The following OLFM3 variants were observed in gnomAD, a reference collection of about 807,000 sequenced individuals.
OLFM3 encodes the protein noelin-3.
OLFM3 carries 20 observed loss-of-function variants against 48.6 expected under a neutral mutation model. The observed-to-expected ratio is 0.41, with a 90% CI of 0.29 to 0.60. The LOEUF is 0.60. OLFM3 is among the 20% of genes least tolerant of loss of function. OLFM3 has a pLI of 0.28. For synonymous variants in OLFM3, 222 were observed against 198.1 expected (o/e 1.12, Z -1.01); for missense variants, 437 against 544.3 (o/e 0.80, Z 1.96).
intron 1 of OLFM3, among the ~76,000 whole-genome samples, chr1:101,900,578 T>A (rs962729496): frequency 6.6e-6 from 1 of 152,018 alleles, no homozygotes; most frequent in Non-Finnish European, 1.5e-5. Flanking sequence ...CAAGAAAGTG[T>A]TTGGCCTGGA....
At position 101,806,609 on chromosome 1, in the gene OLFM3, C is replaced by A. The variant is rs115876571; in HGVS notation, c.593-427G>T. ...TGTGACTATGGATAACTTATACCAG[C>A]CAGAAAAACACTACCAATTGATTTT... On this transcript the variant is annotated intron_variant, in intron 4 of 5. Transcript: ENST00000370103. Among the ~76,000 whole-genome samples the A allele has an allele frequency of 4.1e-3, 625 of 151,690 alleles. 6 individuals are homozygous for A. The highest frequency in any genetic ancestry group is 0.014 in the African/African-American group (596 of 41,410).
Position 101,940,700 on chromosome 1 carries a change from T to TTATA in OLFM3, c.69+56044_69+56047dup, listed in dbSNP as rs751459235. 7.3e-4 allele frequency among the ~76,000 whole-genome samples: 109 copies of TTATA among 148,902 alleles called. 1 individual carries two copies. The highest frequency in any genetic ancestry group is 2.5e-3 in the African/African-American group (100 of 40,692). On this transcript the variant is annotated intron_variant, in intron 1 of 5. Coordinates refer to ENST00000370103, the MANE Select transcript of OLFM3 (RefSeq NM_058170.4). ...CCCAGCTATATATATATATCCAGTT[T>TTATA]TATATATATATATATCTTTGTATAT...
At chr1:101,907,432 C>T (rs1476979781) in intron 1 of OLFM3, among the ~76,000 whole-genome samples, 1 of 152,186 alleles carries the variant, frequency 6.6e-6, no homozygotes, top group African/African-American at 2.4e-5. Flanking sequence ...CTGCTGACAG[C>T]TTGACCTTAC....
chr1:101,865,997 T>C (rs74721763), intron 1 of OLFM3, among the ~76,000 whole-genome samples: 1 of 152,318 alleles, frequency 6.6e-6, no homozygotes, highest in African/African-American at 2.4e-5. Context: ...GCTGTTTGCC[T>C]TTCCAAATGC....
chr1:101,837,593 C>A (rs1332342387), intron 1 of OLFM3: 1 of 151,592 alleles, frequency 6.6e-6, no homozygotes, highest in Non-Finnish European at 1.5e-5. Flanking sequence ...TCTTAGAGGA[C>A]TTAGAGTTTT....
chr1:101,824,951 A>G (rs1331275583), intron 4 of OLFM3, 75 bp downstream of exon 4: 14 of 1,290,452 alleles, frequency 1.1e-5, no homozygotes, highest in Admixed American at 1.9e-5. Flanking sequence ...ATGACTCTTT[A>G]TAAAACGTAA....
intron 1 of OLFM3, among the ~76,000 whole-genome samples, chr1:101,958,891 A>G (rs1282288064): frequency 1.3e-5 from 2 of 151,048 alleles, no homozygotes; most frequent in African/African-American, 2.4e-5. Flanking sequence ...GTTACCTCAC[A>G]TACTTATATT....
intron 1 of OLFM3, among the ~76,000 whole-genome samples, chr1:101,852,673 C>T (rs539477428): frequency 9.1e-4 from 138 of 152,158 alleles, no homozygotes; most frequent in African/African-American, 3.2e-3. Flanking sequence ...CCTGTTATGG[C>T]TCCCCAACCC....
intron 1 of OLFM3, among the ~76,000 whole-genome samples, chr1:101,853,781 T>C (rs1291967801): frequency 6.6e-6 from 1 of 152,102 alleles, no homozygotes; most frequent in Non-Finnish European, 1.5e-5. Context: ...TATGTGTGCA[T>C]GATGGACCTA....
intron 1 of OLFM3, among the ~76,000 whole-genome samples, chr1:101,959,212 C>A (rs1445245444): frequency 6.6e-6 from 1 of 151,974 alleles, no homozygotes; most frequent in Non-Finnish European, 1.5e-5. Context: ...TTCAATATTA[C>A]AGAATAATGT....
chr1:101,990,307 A>T (rs918967967), intron 1 of OLFM3, among the ~76,000 whole-genome samples: 5 of 152,178 alleles, frequency 3.3e-5, no homozygotes, highest in African/African-American at 1.2e-4. Context: ...CAAAGCTGAG[A>T]AGAGGAAACA....
intron 1 of OLFM3, among the ~76,000 whole-genome samples, chr1:101,959,758 A>G (rs12043200): frequency 0.25 from 37,797 of 152,110 alleles, 4,980 homozygotes; most frequent in Middle Eastern, 0.33. Context: ...AGTTCCTTCA[A>G]GTTCAGAATC....
At chr1:101,954,140 T>C (rs77653555) in intron 1 of OLFM3, among the ~76,000 whole-genome samples, 10,977 of 152,190 alleles carry the variant, frequency 0.072, 470 homozygotes, top group South Asian at 0.16. Flanking sequence ...CTTTGTATTA[T>C]CCATTTAAAA....
chr1:101,926,095 C>T (rs1303221776), intron 1 of OLFM3, among the ~76,000 whole-genome samples: 3 of 152,060 alleles, frequency 2.0e-5, no homozygotes, highest in East Asian at 1.9e-4. Flanking sequence ...AATGAATATG[C>T]TATGCTTTGT....
At chr1:101,856,863 G>A (rs1656444226) in intron 1 of OLFM3, among the ~76,000 whole-genome samples, 2 of 152,096 alleles carry the variant, frequency 1.3e-5, no homozygotes, top group East Asian at 1.9e-4. Flanking sequence ...GATTCAAATA[G>A]TTCCACACTT....
chr1:101,829,093 T>C (rs1033914714), intron 3 of OLFM3, among the ~76,000 whole-genome samples: 1 of 152,194 alleles, frequency 6.6e-6, no homozygotes, highest in Non-Finnish European at 1.5e-5. Context: ...TTGTCTTTCA[T>C]AGAAGACAGA....
intron 1 of OLFM3, among the ~76,000 whole-genome samples, chr1:101,896,732 C>G (rs543395429): frequency 6.8e-6 from 1 of 146,226 alleles, no homozygotes; most frequent in East Asian, 2.0e-4. Context: ...GATCTCCTGA[C>G]CTTGTGATCC....
At chr1:101,893,720 T>G (rs1005943139) in intron 1 of OLFM3, 2 of 156,534 alleles carry the variant, frequency 1.3e-5, no homozygotes, top group East Asian at 3.8e-4. Context: ...CTGTCAAGCA[T>G]GGAGCCATCA....
chr1:101,889,902 A>C (rs1290650609), intron 1 of OLFM3, among the ~76,000 whole-genome samples: 1 of 152,054 alleles, frequency 6.6e-6, no homozygotes, highest in Non-Finnish European at 1.5e-5. Flanking sequence ...ACTTCTCAGA[A>C]GTCGTCTTAA....
Sources: allele counts gnomAD v4.1 joint callset (sites outside exome capture counted in the v4.1 genomes callset), GRCh38; gene constraint gnomAD v4.1.1; transcripts MANE v1.5; gene names NCBI Gene and HGNC (gene_info 2026-07-23, HGNC 2026-07-21).